The following RELL1 variants were observed in gnomAD, a reference collection of about 807,000 sequenced individuals.
The protein encoded by RELL1 is RELT-like protein 1.
A neutral mutation model predicts 23.0 loss-of-function variants in RELL1; 10 were observed. That is an observed-to-expected ratio of 0.43 (90% CI 0.27 to 0.74). The LOEUF is 0.74. Ranked by LOEUF, RELL1 falls within the 30% of genes least tolerant of loss-of-function variation. The pLI is 0.19. For missense variants in RELL1, 315 were observed against 364.4 expected (o/e 0.86, Z 1.10); for synonymous variants, 146 against 146.8 (o/e 0.99, Z 0.04).
intron 5 of RELL1, among the ~76,000 whole-genome samples, chr4:37,632,084 GAAAAAAAAAAAAAA>G (rs1183120605): frequency 2.2e-5 from 1 of 44,458 alleles, no homozygotes; most frequent in Admixed American, 4.6e-4. Flanking sequence ...TCTCAATAAG[GAAAAAAAAAAAAAA>G]AAAAAAAAAA....
intron 6 of RELL1, among the ~76,000 whole-genome samples, chr4:37,617,663 G>T (rs994881188): frequency 9.9e-5 from 15 of 152,210 alleles, no homozygotes; most frequent in African/African-American, 3.1e-4. Flanking sequence ...CATGCCTGTA[G>T]TCCCAGCTAC....
At chr4:37,624,748 GC>G (rs1719885919) in intron 6 of RELL1, among the ~76,000 whole-genome samples, 1 of 152,078 alleles carries the variant, frequency 6.6e-6, no homozygotes. Context: ...TATTTCTAAG[GC>G]CTCCTTAATG....
chr4:37,668,855 C>A (rs1268585895), intron 1 of RELL1, among the ~76,000 whole-genome samples: 3 of 149,826 alleles, frequency 2.0e-5, no homozygotes, highest in African/African-American at 7.6e-5. Context: ...GTGGGGAGCG[C>A]CTCTGCCCTG....
At chr4:37,594,949 A>G (rs890823526) in intron 6 of RELL1, among the ~76,000 whole-genome samples, 1 of 152,256 alleles carries the variant, frequency 6.6e-6, no homozygotes, top group African/African-American at 2.4e-5. Context: ...AGCACAGGAT[A>G]TAGCCTCCTT....
chr4:37,607,579 C>CTTTTTTTTT (rs59939694), downstream of RELL1, among the ~76,000 whole-genome samples: 1 of 113,960 alleles, frequency 8.8e-6, no homozygotes. Flanking sequence ...TCTTTCTTTT[C>CTTTTTTTTT]TTTTTTTTTT....
chr4:37,649,995 G>A (rs1327724417), intron 1 of RELL1, among the ~76,000 whole-genome samples: 3 of 152,188 alleles, frequency 2.0e-5, no homozygotes, highest in African/African-American at 7.2e-5. Context: ...CAATGGACAA[G>A]AACTTAACAT....
chr4:37,636,185 G>A (rs1467336808), intron 4 of RELL1, among the ~76,000 whole-genome samples: 2 of 152,172 alleles, frequency 1.3e-5, no homozygotes, highest in African/African-American at 4.8e-5. Flanking sequence ...AACCTAGAAA[G>A]TTTAATTCCA....
At chr4:37,656,102 C>T (rs560668608) in intron 1 of RELL1, among the ~76,000 whole-genome samples, 36 of 152,068 alleles carry the variant, frequency 2.4e-4, no homozygotes, top group Non-Finnish European at 5.0e-4. Context: ...GTGGAAGCCA[C>T]CAAAATTCCC....
At chr4:37,632,335 C>T (rs999164012) in intron 5 of RELL1, among the ~76,000 whole-genome samples, 1 of 143,542 alleles carries the variant, frequency 7.0e-6, no homozygotes, top group Admixed American at 7.1e-5. Context: ...CCATGCCTGG[C>T]TAATTTTGTA....
intron 6 of RELL1, among the ~76,000 whole-genome samples, chr4:37,617,254 C>T (rs1374878628): frequency 1.3e-5 from 2 of 152,126 alleles, no homozygotes; most frequent in Non-Finnish European, 2.9e-5. Context: ...ACTCTGCTTT[C>T]CTATAAGGTG....
In RELL1 at chr4:37,612,674, G is replaced by A. The variant is rs1415907898; in HGVS notation, c.*672C>T. On this transcript the variant is annotated 3_prime_UTR_variant, in exon 7 of 7. Coordinates refer to ENST00000454158, the MANE Select transcript of RELL1 (RefSeq NM_001085400.2). ...AAAAAAACCTTCTCAAAATGTGTAA[G>A]TGCTGTAGGAGTGACATGGTGGTGG... Among the ~76,000 whole-genome samples the A allele has an allele frequency of 2.0e-5, 3 of 150,562 alleles. No individual in the cohort carries two copies. Among genetic ancestry groups the A allele is most frequent in the Non-Finnish European group, 4.4e-5 (3 of 67,860 alleles).
chr4:37,627,392 G>A (rs560394734), intron 6 of RELL1, among the ~76,000 whole-genome samples: 8 of 152,244 alleles, frequency 5.3e-5, no homozygotes, highest in Middle Eastern at 3.4e-3. Context: ...ATTTAACTTT[G>A]AAGAACAAAA....
intron 6 of RELL1, among the ~76,000 whole-genome samples, chr4:37,604,832 TACACACAGACAC>T (rs1719124363): frequency 7.5e-5 from 7 of 93,706 alleles, no homozygotes; most frequent in South Asian, 4.0e-4. Context: ...GACACACACA[TACACACAGACAC>T]ACACACAGAC....
chr4:37,636,381 G>A (rs1159482565), intron 4 of RELL1, among the ~76,000 whole-genome samples: 1 of 152,082 alleles, frequency 6.6e-6, no homozygotes, highest in Non-Finnish European at 1.5e-5. Context: ...AGATCACGAG[G>A]TCAGGAGATC....
At chr4:37,676,453 C>T (rs918926599) in intron 1 of RELL1, among the ~76,000 whole-genome samples, 4 of 152,158 alleles carry the variant, frequency 2.6e-5, no homozygotes, top group African/African-American at 9.7e-5. Context: ...GTTGTAGAAA[C>T]ACAGCTGAGT....
rs1720650117 is a variant in RELL1 at position 37,644,706 on chromosome 4, T to G, written c.385+2662A>C. On this transcript the variant is annotated intron_variant, in intron 3 of 6. Transcript: ENST00000454158. ...AACTCCTGACCTCAAGTGATCCTCC[T>G]ACCTTAGCCTCCCAAAGTGCTGGGA... 2.6e-5 allele frequency among the ~76,000 whole-genome samples: 4 copies of G among 152,000 alleles called. No homozygotes were observed. In the South Asian group the frequency reaches 8.3e-4, roughly 32 times the overall value.
At chr4:37,588,833 C>G, downstream of RELL1, 1 of 1,599,110 alleles carries the variant, frequency 6.3e-7, no homozygotes, top group Non-Finnish European at 8.6e-7. Flanking sequence ...ACCTTTTACG[C>G]TTTCTTTTCC....
At chr4:37,630,403 C>T (rs1330318620) in intron 6 of RELL1, among the ~76,000 whole-genome samples, 6 of 116,222 alleles carry the variant, frequency 5.2e-5, no homozygotes, top group Admixed American at 2.5e-4. Context: ...CTCGCTCTGT[C>T]GCCCAGGCTG....
chr4:37,596,736 A>ATATTTTTTT (rs1365185216), intron 6 of RELL1, among the ~76,000 whole-genome samples: 1 of 16,508 alleles, frequency 6.1e-5, no homozygotes, highest in Non-Finnish European at 1.5e-4. Context: ...ATATATATAT[A>ATATTTTTTT]TTTTTTTTTT....
Sources: gnomAD v4.1 joint callset for allele counts (sites outside exome capture counted in the v4.1 genomes callset) on GRCh38, gnomAD v4.1.1 for gene constraint, MANE v1.5 for transcripts, NCBI Gene and HGNC (gene_info 2026-07-23, HGNC 2026-07-21) for gene names.